Variants in DOC2B observed in about 807,000 individuals in gnomAD.
DOC2B encodes the protein double C2-like domain-containing protein beta.
In DOC2B, 21 loss-of-function variants were observed where a neutral mutation model predicts 28.9. The observed-to-expected ratio is 0.73, with a 90% CI of 0.52 to 1.05. The LOEUF (loss-of-function observed/expected upper bound fraction) is 1.05. Ranked by LOEUF, DOC2B falls within the 50% of genes least tolerant of loss-of-function variation. The probability of loss-of-function intolerance (pLI) is 0.00; values close to 1 mark genes in which losing one functional copy is unlikely to be tolerated. For missense variants in DOC2B, 384 were observed against 421.1 expected, an observed-to-expected ratio of 0.91 and a Z score of 0.77; for synonymous variants, 194 against 178.1, an observed-to-expected ratio of 1.09 and a Z score of -0.71.
In DOC2B at chr17:160,807, TGACATAACGTTGA is replaced by T. The variant is rs377635349; in HGVS notation, c.765+595_765+607del. On this transcript the variant is annotated intron_variant, in intron 5 of 8. Coordinates refer to ENST00000613549, the MANE Select transcript of DOC2B (RefSeq NM_003585.5). Reference sequence around the variant, plus strand: ...GAGCAGGCCGAGGGCAAATCTGTTCTGACATAACGTTGAGACAAATGCCATTTCTAGGAAAGGA... The same window carrying T: ...GAGCAGGCCGAGGGCAAATCTGTTCTGACAAATGCCATTTCTAGGAAAGGA... Among the ~76,000 whole-genome samples, 409 of 152,296 alleles carry T rather than the reference TGACATAACGTTGA, an allele frequency of 2.7e-3. 1 individual carries two copies. Among genetic ancestry groups the T allele is most frequent in the African/African-American group, 9.5e-3 (394 of 41,562 alleles).
chr17:180,345 C>T (rs1485475575), intron 1 of DOC2B, among the ~76,000 whole-genome samples: 3 of 152,126 alleles, frequency 2.0e-5, no homozygotes, highest in Non-Finnish European at 4.4e-5. Flanking sequence ...TCCCGGGACT[C>T]CGGCGCTTGC....
intron 5 of DOC2B, among the ~76,000 whole-genome samples, chr17:156,751 T>C (rs1487642186): frequency 6.6e-6 from 1 of 152,044 alleles, no homozygotes; most frequent in East Asian, 1.9e-4. Flanking sequence ...AATTTCTTTT[T>C]CAAAAAAATA....
intron 3 of DOC2B, 27 bp downstream of exon 3, chr17:164,103 T>A: frequency 6.5e-7 from 1 of 1,529,526 alleles, no homozygotes; most frequent in Non-Finnish European, 8.9e-7. Context: ...GTGCAGCTGG[T>A]GGGCAGGCCT....
At chr17:148,351 A>T (rs2040037299) in intron 7 of DOC2B, 82 bp from the exon 8 acceptor site, 5 of 397,982 alleles carry the variant, frequency 1.3e-5, no homozygotes, top group Non-Finnish European at 2.2e-5. Context: ...AGGTGTAGGG[A>T]CAGAGGAGGG....
At chr17:153,766 T>C (rs892437339) in intron 6 of DOC2B, among the ~76,000 whole-genome samples, 2 of 151,820 alleles carry the variant, frequency 1.3e-5, no homozygotes, top group Non-Finnish European at 2.9e-5. Flanking sequence ...TATATACGCG[T>C]GAAATTCAAG....
chr17:170,533 C>A (rs1403542618), intron 2 of DOC2B, among the ~76,000 whole-genome samples: 2 of 152,106 alleles, frequency 1.3e-5, no homozygotes, highest in Non-Finnish European at 2.9e-5. Flanking sequence ...GGCCTGGGCC[C>A]AGGCAGCTCT....
chr17:172,482 G>A (rs370682502), intron 2 of DOC2B, 55 bp downstream of exon 2: 76 of 1,465,330 alleles, frequency 5.2e-5, no homozygotes, highest in Non-Finnish European at 6.9e-5. Flanking sequence ...CCCTGACCTA[G>A]GCCCTCTTGA....
intron 6 of DOC2B, among the ~76,000 whole-genome samples, chr17:155,253 A>G (rs761256020): frequency 1.3e-5 from 2 of 152,158 alleles, no homozygotes; most frequent in Admixed American, 6.5e-5. Context: ...TTGGCCTCCC[A>G]AAGTGTTCAG....
At position 161,510 on chromosome 17, in the gene DOC2B, G is replaced by C; in HGVS notation, c.670C>G (p.His224Asp). Residue 224 changes from histidine to aspartate, a missense_variant, in exon 5 of 9, where the codon CAC (histidine) becomes GAC (aspartate). Coordinates refer to ENST00000613549, the MANE Select transcript of DOC2B (RefSeq NM_003585.5). Reference protein sequence around the residue: ...ISVCDEDKFRHNEFIGETRVP... With the variant: ...ISVCDEDKFRDNEFIGETRVP... ...CGTGTCTCCCCGATGAACTCATTGT[G>C]CCGGAATTTGTCCTCGTCACACACA... 1 of 1,551,732 alleles carries C rather than the reference G, an allele frequency of 6.4e-7. No individual in the cohort carries two copies. The highest frequency in any genetic ancestry group is 8.7e-7 in the Non-Finnish European group (1 of 1,147,002).
chr17:164,033 C>A, intron 3 of DOC2B, 97 bp downstream of exon 3: 1 of 995,428 alleles, frequency 1.0e-6, no homozygotes, highest in Non-Finnish European at 1.5e-6. Context: ...TGGGTGCCCG[C>A]AGCCCAGTCC....
intron 1 of DOC2B, among the ~76,000 whole-genome samples, chr17:173,394 T>G (rs141898924): frequency 0.055 from 8,417 of 152,196 alleles, 252 homozygotes; most frequent in Non-Finnish European, 0.065. Flanking sequence ...CAGAGCTTAG[T>G]GGCAGTCCGC....
chr17:161,679 G>A, intron 4 of DOC2B, 138 bp from the exon 5 acceptor site: 1 of 1,415,180 alleles, frequency 7.1e-7, no homozygotes, highest in East Asian at 2.5e-5. Flanking sequence ...CGCACAAGAT[G>A]CCTGGGCCCT....
At chr17:177,679 T>C (rs2040386324) in intron 1 of DOC2B, among the ~76,000 whole-genome samples, 1 of 152,282 alleles carries the variant, frequency 6.6e-6, no homozygotes, top group African/African-American at 2.4e-5. Context: ...CCTCTCAGCA[T>C]TCTTGTATCT....
At chr17:160,135 C>T (rs932573319) in intron 5 of DOC2B, among the ~76,000 whole-genome samples, 1 of 151,982 alleles carries the variant, frequency 6.6e-6, no homozygotes, top group Non-Finnish European at 1.5e-5. Context: ...CAGGCATGCA[C>T]CCCCACACCC....
At chr17:152,633 G>A (rs556483942) in intron 6 of DOC2B, among the ~76,000 whole-genome samples, 8 of 152,206 alleles carry the variant, frequency 5.3e-5, no homozygotes, top group Non-Finnish European at 7.4e-5. Flanking sequence ...CTAGCCAGGC[G>A]TGGTGGTGCA....
At position 143,897 on chromosome 17, in the gene DOC2B, A is replaced by G. The variant is rs2040000654; in HGVS notation, c.*3544T>C. 6.6e-6 allele frequency: 1 copy of G among 152,332 alleles called. No homozygotes were observed. Among genetic ancestry groups the G allele is most frequent in the South Asian group, 2.1e-4 (1 of 4,828 alleles). 9.4% of individuals were successfully genotyped at this position (152,332 alleles called of 1,614,324 possible). A position where few individuals can be genotyped will look rare whatever the true frequency, so the allele number is the denominator to read the frequency against. ...ACGAGAGTCTGCGTCGACGACAGCC[A>G]GAGTCCATGCATCGGGAGGTTCACT... On this transcript the variant is annotated 3_prime_UTR_variant, in exon 9 of 9. Transcript: ENST00000613549.
chr17:164,849 ATT>A (rs1394177808), intron 2 of DOC2B, among the ~76,000 whole-genome samples: 2 of 152,162 alleles, frequency 1.3e-5, no homozygotes, highest in African/African-American at 4.8e-5. Context: ...TGAAAATTGC[ATT>A]TGTTTCCTTC....
chr17:162,917 CCCT>C, intron 3 of DOC2B, among the ~76,000 whole-genome samples: 1 of 152,244 alleles, frequency 6.6e-6, no homozygotes, highest in South Asian at 2.1e-4. Flanking sequence ...TGCTGCCACT[CCCT>C]CCTCCTGTGC....
At chr17:162,211 C>T in intron 3 of DOC2B, 21 bp from the exon 4 acceptor site, 1 of 1,514,542 alleles carries the variant, frequency 6.6e-7, no homozygotes, top group Non-Finnish European at 9.0e-7. Flanking sequence ...GAAAAATGAT[C>T]TTATTAGCAT....
Sources: gnomAD v4.1 joint callset for allele counts (sites outside exome capture counted in the v4.1 genomes callset) on GRCh38, gnomAD v4.1.1 for gene constraint, MANE v1.5 for transcripts, NCBI Gene and HGNC (gene_info 2026-07-23, HGNC 2026-07-21) for gene names.